Variants in FHL5 observed in about 807,000 individuals in gnomAD.
The protein encoded by FHL5 is four and a half LIM domains protein 5.
In FHL5, 33 loss-of-function variants were observed where a neutral mutation model predicts 32.0. The ratio of observed to expected loss-of-function variants is 1.03; its 90% confidence interval spans 0.78 to 1.38. The LOEUF (loss-of-function observed/expected upper bound fraction) is 1.38, where lower values mean the gene tolerates loss of function less well. FHL5 is among the 40% of genes most tolerant of loss of function. FHL5 has a pLI of 0.00. For synonymous variants in FHL5, 114 were observed against 113.6 expected (o/e 1.00, Z -0.02); for missense variants, 336 against 343.9 (o/e 0.98, Z 0.18).
rs2127975113 is a variant in FHL5, at chr6:96,610,608, C to T, written c.541C>T (p.Leu181=). ...TSGGITFCDQ[L]WHKECFLCSG... ...AGGTGGGATAACATTTTGTGACCAG[C>T]TATGGCATAAAGAGTGTTTTCTGTG... The change falls in exon 5 of 6, where the codon CTA becomes TTA. Residue 181 remains leucine, a synonymous_variant. Transcript: ENST00000450218. The T allele has an allele frequency of 1.2e-6, 2 of 1,613,934 alleles. No individual in the cohort carries two copies. The highest frequency in any genetic ancestry group is 8.5e-7 in the Non-Finnish European group (1 of 1,179,844).
rs149537159 is a variant in FHL5 at position 96,567,694 on chromosome 6, A to G, written c.-13+4339A>G. Among the ~76,000 whole-genome samples, 376 of 151,458 alleles carry G rather than the reference A, an allele frequency of 2.5e-3. 1 individual carries two copies. Among genetic ancestry groups the G allele is most frequent in the African/African-American group, 8.0e-3 (330 of 41,384 alleles). ...GTGTTTTGCAGTTTTTATTGTAGAG[A>G]TCTTTCACCTCCTTGGTTAAATATA... On this transcript the variant is annotated intron_variant, in intron 1 of 5. Transcript: ENST00000450218.
intron 1 of FHL5, among the ~76,000 whole-genome samples, chr6:96,588,492 C>A (rs574677404): frequency 6.6e-6 from 1 of 152,234 alleles, no homozygotes; most frequent in Non-Finnish European, 1.5e-5. Flanking sequence ...TCAGCCACTG[C>A]GCCTGGCCTC....
chr6:96,605,007 T>TC (rs1771242703), intron 3 of FHL5, 83 bp downstream of exon 3: 1 of 1,010,332 alleles, frequency 9.9e-7, no homozygotes, highest in African/African-American at 1.6e-5. Flanking sequence ...GTGCAGCAGC[T>TC]CCCAAAACCC....
At position 96,589,497 on chromosome 6, in the gene FHL5, G is replaced by GTATC. The variant is rs1411941210; in HGVS notation, c.-12-14103_-12-14100dup. ...TAGCCAGCTGGTTATCCTCCTCTGT[G>GTATC]TATCTGTTCAAGTCTTTTGTACTTT... is the stretch of plus-strand genomic sequence containing the variant. On this transcript the variant is annotated intron_variant, in intron 1 of 5. Transcript: ENST00000450218. Among the ~76,000 whole-genome samples the GTATC allele has an allele frequency of 2.0e-5, 3 of 152,100 alleles. No homozygotes were observed. In the East Asian group the frequency reaches 5.8e-4, roughly 29 times the overall value.
At position 96,596,056 on chromosome 6, in the gene FHL5, T is replaced by C. The variant is rs572521299; in HGVS notation, c.-12-7546T>C. On this transcript the variant is annotated intron_variant, in intron 1 of 5. Transcript: ENST00000450218. The stretch of plus-strand genomic sequence containing the variant: ...CCTAGGATGATGGGACATTCTTTCA[T>C]AGAGGATTTTCTTGTGTTTCATTTT... 2.6e-5 allele frequency among the ~76,000 whole-genome samples: 4 copies of C among 152,166 alleles called. No individual in the cohort carries two copies. In the South Asian group the frequency reaches 8.3e-4, roughly 32 times the overall value.
intron 4 of FHL5, among the ~76,000 whole-genome samples, chr6:96,608,327 C>T (rs565894361): frequency 9.9e-5 from 15 of 152,200 alleles, no homozygotes; most frequent in African/African-American, 3.6e-4. Flanking sequence ...CAAAAATTTA[C>T]AAAATATTTA....
At position 96,604,942 on chromosome 6, in the gene FHL5, C is replaced by G; in HGVS notation, c.334+18C>G. ...CATGCCTGGTAGGGTCTCAAGGGGG[C>G]TCCTGTCTCTAACTGAAGCTGTGAT... On this transcript the variant is annotated intron_variant, in intron 3 of 5. Transcript: ENST00000450218. 1 of 1,566,590 alleles carries G rather than the reference C, an allele frequency of 6.4e-7. No individual in the cohort carries two copies. The highest frequency in any genetic ancestry group is 8.7e-7 in the Non-Finnish European group (1 of 1,153,544).
chr6:96,568,276 A>G (rs951946633), intron 1 of FHL5, among the ~76,000 whole-genome samples: 1 of 151,820 alleles, frequency 6.6e-6, no homozygotes, highest in African/African-American at 2.4e-5. Context: ...AATGTATCAC[A>G]TTTATTCATT....
At chr6:96,586,876 C>T (rs1287522616) in intron 1 of FHL5, among the ~76,000 whole-genome samples, 2 of 152,130 alleles carry the variant, frequency 1.3e-5, no homozygotes, top group Admixed American at 1.3e-4. Context: ...GTAGAGCTTT[C>T]AATGGAAATT....
At chr6:96,609,456 C>A (rs1771351699) in intron 4 of FHL5, among the ~76,000 whole-genome samples, 1 of 152,160 alleles carries the variant, frequency 6.6e-6, no homozygotes, top group African/African-American at 2.4e-5. Context: ...CAAGATTTAT[C>A]CATCTGATTC....
At chr6:96,583,174 G>A (rs930549779) in intron 1 of FHL5, among the ~76,000 whole-genome samples, 2 of 152,054 alleles carry the variant, frequency 1.3e-5, no homozygotes, top group Admixed American at 6.6e-5. Context: ...AACAAATAAG[G>A]AAGTACACAC....
At chr6:96,584,081 A>G (rs1770747788) in intron 1 of FHL5, among the ~76,000 whole-genome samples, 1 of 152,202 alleles carries the variant, frequency 6.6e-6, no homozygotes, top group African/African-American at 2.4e-5. Flanking sequence ...AGATACAGAG[A>G]TAAAGTAAGC....
In FHL5 at chr6:96,611,916, T is replaced by C. The variant is rs544358619; in HGVS notation, c.691+1158T>C. Among the ~76,000 whole-genome samples the C allele has an allele frequency of 2.0e-5, 3 of 152,298 alleles. 1 individual carries two copies. Among genetic ancestry groups the C allele is most frequent in the Admixed American group, 1.3e-4 (2 of 15,300 alleles). On this transcript the variant is annotated intron_variant, in intron 5 of 5. Coordinates refer to ENST00000450218, the MANE Select transcript of FHL5 (RefSeq NM_001322466.2). ...GCAAGCAGGCTGTTGATGTTTGGCC[T>C]GAACATGTTTGGAAATAACTAATGT...
At chr6:96,563,637 CTAATGGT>C (rs1337415103) in intron 1 of FHL5, among the ~76,000 whole-genome samples, 4 of 152,022 alleles carry the variant, frequency 2.6e-5, no homozygotes, top group African/African-American at 7.2e-5. Flanking sequence ...TTGAGTTTTT[CTAATGGT>C]CTTAATGTGG....
At chr6:96,570,471 A>G (rs1250504500) in intron 1 of FHL5, among the ~76,000 whole-genome samples, 4 of 152,066 alleles carry the variant, frequency 2.6e-5, no homozygotes, top group African/African-American at 4.8e-5. Context: ...GGTTGAATCT[A>G]TTTGGGGAAT....
At chr6:96,567,988 T>C (rs1242911967) in intron 1 of FHL5, among the ~76,000 whole-genome samples, 1 of 151,778 alleles carries the variant, frequency 6.6e-6, no homozygotes, top group Non-Finnish European at 1.5e-5. Context: ...TCTCTTTCTC[T>C]AGCCTAAGTG....
At chr6:96,565,598 A>G (rs1770339202) in intron 1 of FHL5, among the ~76,000 whole-genome samples, 2 of 152,134 alleles carry the variant, frequency 1.3e-5, no homozygotes, top group Non-Finnish European at 2.9e-5. Context: ...CACCAAATGG[A>G]TCCTGAGTAG....
intron 1 of FHL5, among the ~76,000 whole-genome samples, chr6:96,566,522 G>C (rs1342005645): frequency 6.6e-6 from 1 of 151,976 alleles, no homozygotes; most frequent in Non-Finnish European, 1.5e-5. Context: ...ATACCCAGTA[G>C]TGGGATTGTT....
At chr6:96,583,211 C>T (rs71560394) in intron 1 of FHL5, among the ~76,000 whole-genome samples, 2,453 of 152,076 alleles carry the variant, frequency 0.016, 53 homozygotes, top group East Asian at 0.09. Flanking sequence ...ACCCTCAGAA[C>T]CAAGTGGAAA....
Sources: gnomAD v4.1 joint callset for allele counts (sites outside exome capture counted in the v4.1 genomes callset) on GRCh38, gnomAD v4.1.1 for gene constraint, MANE v1.5 for transcripts, NCBI Gene and HGNC (gene_info 2026-07-23, HGNC 2026-07-21) for gene names.